The following RBFOX1 variants were observed in gnomAD, a reference collection of about 807,000 sequenced individuals.
RBFOX1 encodes RNA binding protein fox-1 homolog 1.
In RBFOX1, 8 loss-of-function variants were observed where a neutral mutation model predicts 57.7. The ratio of observed to expected loss-of-function variants is 0.14; its 90% CI spans 0.08 to 0.25. The LOEUF is 0.25. Among genes scored for constraint, RBFOX1 ranks in the 10% least tolerant of loss-of-function variants. RBFOX1 has a pLI of 1.00. For missense variants in RBFOX1, 611 were observed against 548.5 expected (o/e 1.11, Z -1.14); for synonymous variants, 326 against 222.4 (o/e 1.47, Z -4.15).
At chr16:7,702,811 A>G (rs2081202808) in intron 14 of RBFOX1, among the ~76,000 whole-genome samples, 1 of 152,252 alleles carries the variant, frequency 6.6e-6, no homozygotes, top group South Asian at 2.1e-4. Context: ...TACCAGCAAC[A>G]ATGCAAACCA....
At chr16:7,618,016 A>AC (rs1568122092) in intron 10 of RBFOX1, among the ~76,000 whole-genome samples, 1 of 151,594 alleles carries the variant, frequency 6.6e-6, no homozygotes, top group East Asian at 1.9e-4. Context: ...TTAAAAAAAA[A>AC]ATACACATGC....
intron 3 of RBFOX1, among the ~76,000 whole-genome samples, chr16:5,821,119 T>A: frequency 6.6e-6 from 1 of 152,044 alleles, no homozygotes; most frequent in South Asian, 2.1e-4. Context: ...CCAAACTCAT[T>A]GCTCAGGCAG....
intron 4 of RBFOX1, among the ~76,000 whole-genome samples, chr16:7,383,898 C>A (rs2148077946): frequency 6.6e-6 from 1 of 151,800 alleles, no homozygotes. Context: ...ACTAAAAATA[C>A]AAAAAATTAG....
intron 3 of RBFOX1, among the ~76,000 whole-genome samples, chr16:6,982,589 G>C (rs2089218311): frequency 2.0e-5 from 3 of 152,210 alleles, no homozygotes; most frequent in Non-Finnish European, 2.9e-5. Context: ...GTTACCATGA[G>C]TTGAACAGTT....
intron 3 of RBFOX1, among the ~76,000 whole-genome samples, chr16:6,697,552 C>G (rs1268653193): frequency 1.3e-5 from 2 of 152,210 alleles, no homozygotes; most frequent in Non-Finnish European, 2.9e-5. Flanking sequence ...ATGGTCCATT[C>G]TCACTGGAGC....
chr16:6,904,333 G>C (rs2069222607), intron 3 of RBFOX1, among the ~76,000 whole-genome samples: 1 of 152,034 alleles, frequency 6.6e-6, no homozygotes. Context: ...AGGTGGGCTG[G>C]CTCATGCCTG....
chr16:7,065,859 T>A (rs1288896064), intron 4 of RBFOX1, among the ~76,000 whole-genome samples: 3 of 152,196 alleles, frequency 2.0e-5, no homozygotes, highest in African/African-American at 7.2e-5. Flanking sequence ...TTTTATGAGT[T>A]TAATTTTTTT....
intron 3 of RBFOX1, among the ~76,000 whole-genome samples, chr16:5,738,650 A>AG (rs2151584074): frequency 6.6e-6 from 1 of 151,762 alleles, no homozygotes; most frequent in East Asian, 1.9e-4. Flanking sequence ...AAAAAAAAAA[A>AG]AAAAAGGGAA....
chr16:5,535,039 C>T (rs967606099), intron 2 of RBFOX1, among the ~76,000 whole-genome samples: 4 of 152,178 alleles, frequency 2.6e-5, no homozygotes, highest in African/African-American at 9.7e-5. Context: ...AAATAACTAT[C>T]CTCATGGGGC....
At chr16:6,491,133 A>C (rs916359115) in intron 2 of RBFOX1, among the ~76,000 whole-genome samples, 1 of 152,032 alleles carries the variant, frequency 6.6e-6, no homozygotes, top group Admixed American at 6.6e-5. Flanking sequence ...GTTAAGCTAT[A>C]GATATGTAAC....
chr16:7,037,478 A>G (rs1259388275), intron 3 of RBFOX1, among the ~76,000 whole-genome samples: 1 of 152,060 alleles, frequency 6.6e-6, no homozygotes, highest in Non-Finnish European at 1.5e-5. Context: ...GACAATTGTG[A>G]TGCTGTCTGC....
At chr16:7,017,047 C>G (rs772201743) in intron 3 of RBFOX1, among the ~76,000 whole-genome samples, 8 of 152,138 alleles carry the variant, frequency 5.3e-5, no homozygotes, top group Admixed American at 1.3e-4. Context: ...CAGCCTCTTT[C>G]TCTTTTTTTA....
intron 3 of RBFOX1, among the ~76,000 whole-genome samples, chr16:5,675,511 T>C (rs1390078455): frequency 1.3e-5 from 2 of 152,146 alleles, no homozygotes; most frequent in Admixed American, 1.3e-4. Context: ...GCTGCCTCTT[T>C]CTCAATTGGA....
chr16:6,586,316 G>A (rs13338800), intron 2 of RBFOX1, among the ~76,000 whole-genome samples: 2,229 of 152,234 alleles, frequency 0.015, 49 homozygotes, highest in African/African-American at 0.051. Context: ...GATGACAGAA[G>A]AAACATTCAT....
intron 4 of RBFOX1, among the ~76,000 whole-genome samples, chr16:7,466,671 C>T (rs963006954): frequency 6.6e-6 from 1 of 152,144 alleles, no homozygotes; most frequent in Non-Finnish European, 1.5e-5. Flanking sequence ...TCTCAGTGTC[C>T]ACATCTGTAA....
intron 1 of RBFOX1, among the ~76,000 whole-genome samples, chr16:6,211,282 G>T (rs1389452042): frequency 6.7e-6 from 1 of 148,586 alleles, no homozygotes; most frequent in African/African-American, 2.5e-5. Context: ...AGGCTGGAGG[G>T]CAGTGGCACG....
intron 3 of RBFOX1, among the ~76,000 whole-genome samples, chr16:6,950,292 C>T (rs946406423): frequency 6.6e-6 from 1 of 151,898 alleles, no homozygotes; most frequent in East Asian, 1.9e-4. Context: ...CCATGCTCCC[C>T]TCTGCATCTC....
At chr16:5,663,996 C>T (rs2049748246) in intron 3 of RBFOX1, among the ~76,000 whole-genome samples, 1 of 152,086 alleles carries the variant, frequency 6.6e-6, no homozygotes, top group Non-Finnish European at 1.5e-5. Context: ...TCAGTATGAA[C>T]ATCAGAGCTG....
In RBFOX1 at chr16:6,143,219, T is replaced by A. The variant is rs373738999; in HGVS notation, c.-127+123227T>A. On this transcript the variant is annotated intron_variant, in intron 1 of 15. Transcript: ENST00000550418. ...GTAAGAGAAAGGAGCTGTCATTGAG[T>A]GCCTTGAAAAGTGGAATTGCATGTT... Among the ~76,000 whole-genome samples, 16 of 152,304 alleles carry A rather than the reference T, an allele frequency of 1.1e-4. No homozygotes were observed. The South Asian group carries it at 3.1e-3, about 30-fold the overall frequency.
Sources: gnomAD v4.1 joint callset for allele counts (sites outside exome capture counted in the v4.1 genomes callset) on GRCh38, gnomAD v4.1.1 for gene constraint, MANE v1.5 for transcripts, NCBI Gene and HGNC (gene_info 2026-07-23, HGNC 2026-07-21) for gene names.